Variants in UBN2 observed in about 807,000 individuals in gnomAD.
The protein encoded by UBN2 is ubinuclein 2, also known as ubinuclein-2.
A neutral mutation model predicts 120.2 loss-of-function variants in UBN2; 35 were observed. The observed-to-expected ratio is 0.29, with a 90% CI of 0.22 to 0.39. The LOEUF (loss-of-function observed/expected upper bound fraction) is 0.39. UBN2 is among the 10% of genes least tolerant of loss of function. The pLI, the probability that UBN2 is intolerant of heterozygous loss-of-function variation, is 1.00. For missense variants in UBN2, 1,693 were observed against 1,663.2 expected, an observed-to-expected ratio of 1.02 and a Z score of -0.31; for synonymous variants, 661 against 648.7, an observed-to-expected ratio of 1.02 and a Z score of -0.29.
At chr7:139,282,147 C>A (rs139346429) in intron 14 of UBN2, 92 bp downstream of exon 14, 26 of 1,110,594 alleles carry the variant, frequency 2.3e-5, no homozygotes, top group Non-Finnish European at 3.0e-5. Flanking sequence ...GACTTTGATA[C>A]GACTTTTATG....
intron 7 of UBN2, 75 bp downstream of exon 7, chr7:139,266,478 A>C: frequency 1.2e-6 from 1 of 815,444 alleles, no homozygotes; most frequent in African/African-American, 1.8e-5. Flanking sequence ...TGAGATACTG[A>C]GTGGTTGGCA....
chr7:139,236,846 A>G (rs1796175909), intron 1 of UBN2, among the ~76,000 whole-genome samples, 159 bp from the exon 2 acceptor site: 1 of 152,070 alleles, frequency 6.6e-6, no homozygotes, highest in South Asian at 2.1e-4. Flanking sequence ...AATTAATTAT[A>G]TAACATGTTA....
the UBN2 span, among the ~76,000 whole-genome samples, chr7:139,326,164 G>A: frequency 1.3e-5 from 2 of 152,334 alleles, no homozygotes; most frequent in Admixed American, 1.3e-4. Context: ...GCTGAGGCAG[G>A]AGAATCGCTT....
chr7:139,323,047 C>T, the UBN2 span, among the ~76,000 whole-genome samples: 1 of 152,302 alleles, frequency 6.6e-6, no homozygotes, highest in Admixed American at 6.5e-5. Flanking sequence ...TATTATCATG[C>T]ACTGCAGTTT....
At position 139,273,405 on chromosome 7, in the gene UBN2, T is replaced by A; in HGVS notation, c.1824T>A (p.Thr608=). ...GPRKKFHWDD[T]IRTLLCNLVE... ...GAAAGAAATTCCACTGGGATGACAC[T>A]ATCAGGTAAGATTTAATTAGTTTTC... is the stretch of plus-strand genomic sequence containing the variant. The change falls in exon 10 of 18, where the codon ACT becomes ACA. Residue 608 remains threonine, a synonymous_variant. Coordinates refer to ENST00000473989, the MANE Select transcript of UBN2 (RefSeq NM_173569.4). The A allele has an allele frequency of 6.3e-7, 1 of 1,578,790 alleles. No individual in the cohort carries two copies. Among genetic ancestry groups the A allele is most frequent in the South Asian group, 1.2e-5 (1 of 84,810 alleles).
chr7:139,297,023 G>A (rs901025571), intron 17 of UBN2, among the ~76,000 whole-genome samples: 39 of 152,008 alleles, frequency 2.6e-4, no homozygotes, highest in African/African-American at 7.5e-4. Flanking sequence ...GTGAAACCCT[G>A]TCTCTACTAA....
chr7:139,253,930 A>G (rs1796688197), intron 3 of UBN2, among the ~76,000 whole-genome samples: 1 of 152,198 alleles, frequency 6.6e-6, no homozygotes, highest in South Asian at 2.1e-4. Flanking sequence ...AGAACATATA[A>G]AGGTAGGAGA....
intron 6 of UBN2, among the ~76,000 whole-genome samples, chr7:139,262,627 T>C (rs1371062638): frequency 6.6e-6 from 1 of 151,606 alleles, no homozygotes; most frequent in Non-Finnish European, 1.5e-5. Context: ...GGCAGGAGAA[T>C]TGCTTGAACC....
intron 1 of UBN2, among the ~76,000 whole-genome samples, chr7:139,233,203 C>T (rs1302155003): frequency 2.6e-5 from 4 of 152,154 alleles, no homozygotes; most frequent in African/African-American, 4.8e-5. Flanking sequence ...AAAATGTTTT[C>T]AACCAAAATG....
chr7:139,239,551 CTTTTTT>C (rs774812960), intron 2 of UBN2, among the ~76,000 whole-genome samples: 1 of 94,580 alleles, frequency 1.1e-5, no homozygotes, highest in Non-Finnish European at 2.0e-5. Context: ...ATTAGAGTGT[CTTTTTT>C]TTTTTTTTTT....
chr7:139,235,888 C>A (rs1227939798), intron 1 of UBN2, among the ~76,000 whole-genome samples: 2 of 152,104 alleles, frequency 1.3e-5, no homozygotes, highest in South Asian at 4.1e-4. Context: ...TTTTTTAGAC[C>A]GATCATGTCT....
intron 6 of UBN2, among the ~76,000 whole-genome samples, chr7:139,265,471 C>A (rs1170436308): frequency 6.6e-6 from 1 of 151,922 alleles, no homozygotes; most frequent in African/African-American, 2.4e-5. Context: ...GAGTAAGACT[C>A]CGTCTCAAAA....
intron 3 of UBN2, 142 bp downstream of exon 3, chr7:139,252,199 T>TA: frequency 1.6e-6 from 1 of 627,542 alleles, no homozygotes; most frequent in Non-Finnish European, 2.6e-6. Context: ...AAGATTTCTT[T>TA]ACCCTTTTTT....
intron 15 of UBN2, among the ~76,000 whole-genome samples, chr7:139,292,017 G>A (rs572260669): frequency 1.1e-4 from 17 of 152,230 alleles, no homozygotes; most frequent in Non-Finnish European, 2.4e-4. Flanking sequence ...GGAGGCCAAC[G>A]CAGTGAGGAG....
intron 15 of UBN2, among the ~76,000 whole-genome samples, chr7:139,289,672 A>C (rs1797894663): frequency 6.6e-6 from 1 of 152,020 alleles, no homozygotes; most frequent in Admixed American, 6.6e-5. Flanking sequence ...TCAGCCTCCC[A>C]AAGTGCTGGG....
chr7:139,258,586 A>T lies in UBN2; in HGVS notation c.762A>T (p.Glu254Asp). ...TTCGCCAAGCTTCAGATACTGAAGA[A>T]GATGATATTACAGACAACCAAAAGC... ...LQFRQASDTE[E>D]DDITDNQKHK... The change falls in exon 4 of 18, where the codon GAA becomes GAT. Residue 254 changes from glutamate to aspartate, a missense_variant. This residue lies in a region of UBN2 where 663 missense variants were observed against 591.2 expected (regional missense o/e 1.12). Transcript: ENST00000473989. The T allele has an allele frequency of 6.2e-7, 1 of 1,607,066 alleles. No homozygotes were observed. The highest frequency in any genetic ancestry group is 8.5e-7 in the Non-Finnish European group (1 of 1,176,030).
At chr7:139,308,332 G>C (rs1208971749), downstream of UBN2, 2 of 152,060 alleles carry the variant, frequency 1.3e-5, no homozygotes, top group African/African-American at 2.4e-5. Context: ...ACTGTGCTAG[G>C]TTTATAGGGT....
intron 11 of UBN2, 107 bp from the exon 12 acceptor site, chr7:139,275,990 A>C: frequency 1.2e-6 from 1 of 814,108 alleles, no homozygotes; most frequent in South Asian, 1.6e-5. Flanking sequence ...TACTTGGTAA[A>C]TAAGCAGTAA....
rs112385740 is a variant in UBN2 at position 139,245,424 on chromosome 7, C to G, written c.562-6532C>G. ...AAGCTTTAAGTCTTTTATTTGCTCCCCTTGATAAGATTTATACTTATTTAA... is the reference window on the plus strand; with the variant it reads ...AAGCTTTAAGTCTTTTATTTGCTCCGCTTGATAAGATTTATACTTATTTAA... On this transcript the variant is annotated intron_variant, in intron 2 of 17. Coordinates refer to ENST00000473989, the MANE Select transcript of UBN2 (RefSeq NM_173569.4). Among the ~76,000 whole-genome samples the G allele has an allele frequency of 6.2e-3, 935 of 152,024 alleles. 5 individuals are homozygous for G. Among genetic ancestry groups the G allele is most frequent in the African/African-American group, 0.021 (858 of 41,454 alleles).
Sources: gnomAD v4.1 joint callset for allele counts (sites outside exome capture counted in the v4.1 genomes callset) on GRCh38, gnomAD v4.1.1 for gene constraint, gnomAD v4.1.1 regional missense constraint, MANE v1.5 for transcripts, NCBI Gene and HGNC (gene_info 2026-07-23, HGNC 2026-07-21) for gene names.